The following HFM1 variants were observed in gnomAD, a reference collection of about 807,000 sequenced individuals.
The protein encoded by HFM1 is probable ATP-dependent DNA helicase HFM1.
A neutral mutation model predicts 192.1 loss-of-function variants in HFM1; 169 were observed. That is an observed-to-expected ratio of 0.88 (90% CI 0.78 to 1.00). The LOEUF is 1.00. Ranked by LOEUF, HFM1 falls within the 50% of genes least tolerant of loss-of-function variation. The probability of loss-of-function intolerance (pLI) is 0.00; values close to 1 mark genes in which losing one functional copy is unlikely to be tolerated. For missense variants in HFM1, 1,661 were observed against 1,668.0 expected, an observed-to-expected ratio of 1.00 and a Z score of 0.07; for synonymous variants, 525 against 537.8, an observed-to-expected ratio of 0.98 and a Z score of 0.33.
At chr1:91,393,740 G>GCTTT (rs371994915) in intron 4 of HFM1, among the ~76,000 whole-genome samples, 4,254 of 152,092 alleles carry the variant, frequency 0.028, 85 homozygotes, top group African/African-American at 0.041. Flanking sequence ...AACTCTTAAA[G>GCTTT]AAAAGAAAGT....
At position 91,375,699 on chromosome 1, in the gene HFM1, C is replaced by G; in HGVS notation, c.1424G>C (p.Arg475Thr). 1 of 1,613,130 alleles carries G rather than the reference C, an allele frequency of 6.2e-7. No individual in the cohort carries two copies. The highest frequency in any genetic ancestry group is 1.1e-5 in the South Asian group (1 of 91,044). The change falls in exon 12 of 39, where the codon AGA becomes ACA. Residue 475 changes from arginine to threonine, a missense_variant. Physicochemically the swap from Arg to Thr is moderately conservative, Grantham distance 71 (BLOSUM62 -1). Transcript: ENST00000370425. ...DIAEWLSDGE[R>T]PAVCLKMDES... The stretch of plus-strand genomic sequence containing the variant: ...ATCCATTTTCAGACACACAGCTGGT[C>G]TTTCACCATCTGAAAGCCATTCTGC...
At chr1:91,291,194 C>T (rs1252286565) in intron 30 of HFM1, among the ~76,000 whole-genome samples, 1 of 152,100 alleles carries the variant, frequency 6.6e-6, no homozygotes, top group East Asian at 1.9e-4. Context: ...CAAGAAATAA[C>T]TAAAATCAGA....
At chr1:91,348,050 T>C (rs1656373725) in intron 18 of HFM1, among the ~76,000 whole-genome samples, 1 of 152,156 alleles carries the variant, frequency 6.6e-6, no homozygotes, top group Non-Finnish European at 1.5e-5. Context: ...GGGCAAATAC[T>C]GACAGAAAAG....
intron 2 of HFM1, among the ~76,000 whole-genome samples, chr1:91,399,085 C>T (rs1334316267): frequency 6.6e-6 from 1 of 152,206 alleles, no homozygotes; most frequent in African/African-American, 2.4e-5. Context: ...CTATTTTATT[C>T]ATTCATTAAT....
At chr1:91,285,072 ATTC>A (rs1667818111) in intron 30 of HFM1, among the ~76,000 whole-genome samples, 2 of 152,074 alleles carry the variant, frequency 1.3e-5, no homozygotes, top group Admixed American at 6.6e-5. Flanking sequence ...GCTGGCTCTC[ATTC>A]TCTCTTGTCT....
chr1:91,318,867 A>G (rs1005739671), intron 25 of HFM1, among the ~76,000 whole-genome samples: 6 of 152,208 alleles, frequency 3.9e-5, no homozygotes, highest in African/African-American at 1.2e-4. Context: ...TAGGTTTCTC[A>G]TGTACTCATG....
intron 30 of HFM1, among the ~76,000 whole-genome samples, chr1:91,286,902 C>T (rs929641336): frequency 5.9e-5 from 9 of 152,176 alleles, no homozygotes; most frequent in South Asian, 4.1e-4. Context: ...GGGTGACAGA[C>T]GGCACCTGGA....
At position 91,379,157 on chromosome 1, in the gene HFM1, C is replaced by T. The variant is rs1661256521; in HGVS notation, c.1064G>A (p.Gly355Glu). 1 of 1,609,188 alleles carries T rather than the reference C, an allele frequency of 6.2e-7. No homozygotes were observed. The highest frequency in any genetic ancestry group is 8.5e-7 in the Non-Finnish European group (1 of 1,177,350). ...TTCTTTACAATTCAATCCTATTGGT[C>T]CAAATTTTTCTTTCCAGTCATCAAA... is the stretch of plus-strand genomic sequence containing the variant. ...QRFDDWKEKFGPIGLNCKELT... is the reference protein window; with the variant it reads ...QRFDDWKEKFEPIGLNCKELT... The change falls in exon 9 of 39, where the codon GGA becomes GAA. Residue 355 changes from glycine to glutamate, a missense_variant. Physicochemically the swap from Gly to Glu is moderately conservative, Grantham distance 98. Coordinates refer to ENST00000370425, the MANE Select transcript of HFM1 (RefSeq NM_001017975.6).
At chr1:91,304,339 C>A (rs933312537) in intron 30 of HFM1, among the ~76,000 whole-genome samples, 35 of 152,246 alleles carry the variant, frequency 2.3e-4, no homozygotes, top group African/African-American at 7.7e-4. Flanking sequence ...CATCTTAAGT[C>A]CAATTCATCT....
At chr1:91,329,080 G>T (rs1653393848) in intron 20 of HFM1, 5 of 1,609,908 alleles carry the variant, frequency 3.1e-6, no homozygotes, top group Non-Finnish European at 2.5e-6. Context: ...AGTGACTACT[G>T]TAAGAGTATC....
chr1:91,261,487 A>C, intron 38 of HFM1, 128 bp from the exon 39 acceptor site: 3 of 434,278 alleles, frequency 6.9e-6, no homozygotes, highest in Non-Finnish European at 1.2e-5. Flanking sequence ...TAATGTATCA[A>C]ATAAACTTCA....
chr1:91,265,075 T>C (rs1334710771), intron 36 of HFM1, among the ~76,000 whole-genome samples: 1 of 152,170 alleles, frequency 6.6e-6, no homozygotes, highest in Non-Finnish European at 1.5e-5. Context: ...AGTCTGTCTT[T>C]CTCATTGGCC....
intron 11 of HFM1, 116 bp from the exon 12 acceptor site, chr1:91,375,843 T>C (rs1172345247): frequency 1.3e-6 from 1 of 741,546 alleles, no homozygotes; most frequent in Non-Finnish European, 2.3e-6. Flanking sequence ...TAATCAAGTA[T>C]GCTGTCTTTT....
intron 13 of HFM1, among the ~76,000 whole-genome samples, chr1:91,370,180 A>G (rs1188221546): frequency 6.6e-6 from 1 of 152,202 alleles, no homozygotes; most frequent in Admixed American, 6.5e-5. Flanking sequence ...AGTTGTTACC[A>G]TTCCTTCTGA....
At position 91,324,702 on chromosome 1, in the gene HFM1, G is replaced by C; in HGVS notation, c.2400C>G (p.Ile800Met). The C allele has an allele frequency of 6.5e-7, 1 of 1,528,564 alleles. No individual in the cohort carries two copies. The highest frequency in any genetic ancestry group is 2.3e-5 in the East Asian group (1 of 44,396). The allele number at this position is 1,528,564 out of a possible 1,614,324, so 94.7% of individuals were successfully genotyped here. ...GATCTGATAAGGTTTCTTTTCCACT[G>C]ATTGTATAAAATTTCTTCACTGTCT... ...TFETVKKFYT[I>M]SGKETLSDLV... is the part of the protein sequence containing the mutation. The change falls in exon 21 of 39, where the codon ATC becomes ATG. Residue 800 changes from isoleucine to methionine, a missense_variant. Transcript: ENST00000370425.
At chr1:91,350,348 T>C (rs1474059245) in intron 18 of HFM1, among the ~76,000 whole-genome samples, 1 of 152,168 alleles carries the variant, frequency 6.6e-6, no homozygotes, top group East Asian at 1.9e-4. Flanking sequence ...CTATATACTT[T>C]CATTTCTTAT....
Position 91,267,744 on chromosome 1 carries a change from C to G in HFM1, c.3883+1G>C. ...TGATTGCATGCTAAGTATGATTTTA[C>G]CTGATATTTTTGTCTTCTCAGTATC... On this transcript the variant is annotated splice_donor_variant, in intron 35 of 38. Coordinates refer to ENST00000370425, the MANE Select transcript of HFM1 (RefSeq NM_001017975.6). LOFTEE classifies it high-confidence loss of function. 7.8e-7 allele frequency: 1 copy of G among 1,282,908 alleles called. No individual in the cohort carries two copies. The allele number at this position is 1,282,908 out of a possible 1,614,324, so 79.5% of individuals were successfully genotyped here.
rs766696641 is a variant in HFM1, at chr1:91,353,229, C to T, written c.1729+27G>A. The T allele has an allele frequency of 1.1e-5, 18 of 1,573,432 alleles. 1 individual carries two copies. The South Asian group carries it at 1.3e-4, about 12-fold the overall frequency. On this transcript the variant is annotated intron_variant, in intron 14 of 38. Coordinates refer to ENST00000370425, the MANE Select transcript of HFM1 (RefSeq NM_001017975.6). ...CACCTTTCATCTATATGTGAAAATG[C>T]TATTCAAAAATTATCTCTAAACCTA...
In HFM1 at chr1:91,353,274, T is replaced by C. The variant is rs1336425355; in HGVS notation, c.1711A>G (p.Arg571Gly). The stretch of plus-strand genomic sequence containing the variant: ...AACCTACCTCTCAGTTTTGAATCTC[T>C]TACGGAATATGCATACTTCTGTAAC... Reference protein sequence around the residue: ...QRLQKYAYSVRDSKLRDILKD... With the variant: ...QRLQKYAYSVGDSKLRDILKD... Residue 571 changes from arginine (R) to glycine (G), a missense_variant, in exon 14 of 39, where the codon AGA becomes GGA. Coordinates refer to ENST00000370425, the MANE Select transcript of HFM1 (RefSeq NM_001017975.6). 3 of 1,580,890 alleles carry C rather than the reference T, an allele frequency of 1.9e-6. No individual in the cohort carries two copies. In the East Asian group the frequency reaches 6.7e-5, roughly 35 times the overall value.
Sources: gnomAD v4.1 joint callset for allele counts (sites outside exome capture counted in the v4.1 genomes callset) on GRCh38, gnomAD v4.1.1 for gene constraint, MANE v1.5 for transcripts, NCBI Gene and HGNC (gene_info 2026-07-23, HGNC 2026-07-21) for gene names.